NFATC1: variants seen among roughly 807,000 people sequenced by gnomAD.
NFATC1 encodes the protein nuclear factor of activated T-cells, cytoplasmic 1.
A neutral mutation model predicts 76.0 loss-of-function variants in NFATC1; 22 were observed. The ratio of observed to expected loss-of-function variants is 0.29; its 90% CI spans 0.21 to 0.41. The LOEUF (loss-of-function observed/expected upper bound fraction) is 0.41, where lower values mean the gene tolerates loss of function less well. Among genes scored for constraint, NFATC1 ranks in the 10% least tolerant of loss-of-function variants. The probability of loss-of-function intolerance (pLI) is 1.00; values close to 1 mark genes in which losing one functional copy is unlikely to be tolerated. For synonymous variants in NFATC1, 704 were observed against 613.1 expected, an observed-to-expected ratio of 1.15 and a Z score of -2.19; for missense variants, 1,357 against 1,337.7, an observed-to-expected ratio of 1.01 and a Z score of -0.23.
chr18:79,498,094 C>G (rs918463890), intron 9 of NFATC1: 1 of 151,124 alleles, frequency 6.6e-6, no homozygotes, highest in African/African-American at 2.4e-5. Flanking sequence ...ATTTCAGAGT[C>G]GCTACAATGC....
intron 1 of NFATC1, among the ~76,000 whole-genome samples, chr18:79,407,081 C>T (rs538781211): frequency 1.3e-5 from 2 of 152,332 alleles, no homozygotes; most frequent in Admixed American, 6.5e-5. Context: ...GGCCCAGAGC[C>T]CCCCAGGTAT....
rs1226566668 is a variant in NFATC1 at position 79,411,413 on chromosome 18, G to A, written c.1138G>A (p.Gly380Ser). The A allele has an allele frequency of 6.4e-7, 1 of 1,555,874 alleles. No individual in the cohort carries two copies. The highest frequency in any genetic ancestry group is 2.2e-5 in the East Asian group (1 of 44,472). ...DYSSFQHIRK[G>S]GFCDQYLAVP... is the part of the protein sequence containing the mutation. ...CTCCTCTTTCCAGCACATCAGGAAG[G>A]GCGGCTTCTGCGACCAGTACCTGGC... Residue 380 changes from glycine to serine, a missense_variant, in exon 2 of 10, where the codon GGC (glycine) becomes AGC (serine). This residue lies in a region of NFATC1 where 691 missense variants were observed against 613.1 expected (regional missense o/e 1.13). Transcript: ENST00000427363.
At position 79,440,888 on chromosome 18, in the gene NFATC1, TTGCCCAGGCCC is replaced by T. The variant is rs574665915; in HGVS notation, c.1386+7161_1386+7171del. Among the ~76,000 whole-genome samples the T allele has an allele frequency of 5.5e-4, 84 of 152,344 alleles. 2 individuals carry two copies. In the South Asian group the frequency reaches 0.017, roughly 30 times the overall value. On this transcript the variant is annotated intron_variant, in intron 3 of 9. Coordinates refer to ENST00000427363, the MANE Select transcript of NFATC1 (RefSeq NM_001278669.2). Reference sequence around the variant, plus strand: ...TGTCTGTGACGTTGGTGGCTGTTCCTTGCCCAGGCCCTGCCCAGGCCAGACGTGGGAGTGGC... The same window carrying T: ...TGTCTGTGACGTTGGTGGCTGTTCCTTGCCCAGGCCAGACGTGGGAGTGGC...
At chr18:79,482,426 C>G (rs572587495) in intron 8 of NFATC1, among the ~76,000 whole-genome samples, 1 of 134,518 alleles carries the variant, frequency 7.4e-6, no homozygotes, top group East Asian at 2.4e-4. Flanking sequence ...GTCATTCCAG[C>G]GTGACCTGGT....
In NFATC1 at chr18:79,495,812, G is replaced by A. The variant is rs114280570; in HGVS notation, c.2782+8875G>A. ...GGCAGGCCGTGAACAGTACTAAGGCGTTCATGGGTGTGTCACTGTAACACA... is the reference window on the plus strand; with the variant it reads ...GGCAGGCCGTGAACAGTACTAAGGCATTCATGGGTGTGTCACTGTAACACA... On this transcript the variant is annotated intron_variant, in intron 9 of 9. Transcript: ENST00000427363. Among the ~76,000 whole-genome samples, 451 of 152,230 alleles carry A rather than the reference G, an allele frequency of 3.0e-3. 2 individuals carry two copies. The highest frequency in any genetic ancestry group is 9.8e-3 in the African/African-American group (409 of 41,544).
intron 2 of NFATC1, among the ~76,000 whole-genome samples, chr18:79,424,811 C>CTG (rs952805107): frequency 6.2e-4 from 38 of 60,806 alleles, no homozygotes; most frequent in African/African-American, 4.8e-3. Context: ...GTCTGTCTGT[C>CTG]TCTGTCTCTC....
rs369710392 is a variant in NFATC1 at position 79,456,459 on chromosome 18, C to T, written c.1903+4643C>T. Among the ~76,000 whole-genome samples, 29 of 152,336 alleles carry T rather than the reference C, an allele frequency of 1.9e-4. 1 individual carries two copies. Among genetic ancestry groups the T allele is most frequent in the African/African-American group, 6.0e-4 (25 of 41,588 alleles). On this transcript the variant is annotated intron_variant, in intron 6 of 9. Coordinates refer to ENST00000427363, the MANE Select transcript of NFATC1 (RefSeq NM_001278669.2). The stretch of plus-strand genomic sequence containing the variant: ...CCCACCCCAGGGTGTCGCGGAAGCC[C>T]CGAGGCCCCTGCAGGCCCCGATTTC...
intron 6 of NFATC1, among the ~76,000 whole-genome samples, chr18:79,460,358 A>G (rs1446216953): frequency 6.6e-6 from 1 of 152,264 alleles, no homozygotes; most frequent in Admixed American, 6.5e-5. Context: ...TTTGGAGAAG[A>G]TAAAAGGCAG....
In NFATC1 at chr18:79,486,105, A is replaced by C. The variant is rs566006192; in HGVS notation, c.2093-143A>C. ...CCGATGACTCACGCCTTTTTTTTTT[A>C]ATGGGGTGGGAGAACCAGGCAGGAG... is the stretch of plus-strand genomic sequence containing the variant. On this transcript the variant is annotated intron_variant, in intron 8 of 9. Transcript: ENST00000427363. 2.3e-3 allele frequency: 1,614 copies of C among 693,412 alleles called. 23 individuals are homozygous for C. In the African/African-American group the frequency reaches 0.028, roughly 12 times the overall value. The allele number at this position is 693,412 out of a possible 1,614,324, so 43.0% of individuals were successfully genotyped here.
At chr18:79,433,473 GC>G in intron 2 of NFATC1, 105 bp from the exon 3 acceptor site, 1 of 1,334,726 alleles carries the variant, frequency 7.5e-7, no homozygotes, top group Non-Finnish European at 1.1e-6. Flanking sequence ...ACGTGCACTC[GC>G]CGATGAAGTG....
chr18:79,471,935 T>C (rs2144960396), intron 8 of NFATC1, among the ~76,000 whole-genome samples: 1 of 152,328 alleles, frequency 6.6e-6, no homozygotes, highest in South Asian at 2.1e-4. Flanking sequence ...GCCCTTCTGC[T>C]GGCCCTGCAA....
chr18:79,442,615 C>A (rs1318940780), intron 3 of NFATC1, among the ~76,000 whole-genome samples: 1 of 152,236 alleles, frequency 6.6e-6, no homozygotes, highest in Non-Finnish European at 1.5e-5. Context: ...AGTGGGGATA[C>A]AATGTTGGTT....
At chr18:79,511,873 A>C (rs968636952) in intron 9 of NFATC1, among the ~76,000 whole-genome samples, 8 of 152,084 alleles carry the variant, frequency 5.3e-5, no homozygotes, top group African/African-American at 1.9e-4. Flanking sequence ...GGGAGTTGGC[A>C]GGATTCGGGG....
intron 9 of NFATC1, among the ~76,000 whole-genome samples, chr18:79,516,236 G>A (rs1174666799): frequency 6.6e-6 from 1 of 152,174 alleles, no homozygotes; most frequent in Non-Finnish European, 1.5e-5. Context: ...TATGAAAACT[G>A]TGACTTGTCA....
intron 1 of NFATC1, among the ~76,000 whole-genome samples, chr18:79,407,735 G>A (rs538401683): frequency 5.9e-5 from 9 of 152,304 alleles, no homozygotes; most frequent in East Asian, 1.9e-4. Context: ...GTGAGCCACC[G>A]CGCCTGGCCA....
At chr18:79,459,116 G>A (rs1258916080) in intron 6 of NFATC1, among the ~76,000 whole-genome samples, 1 of 152,196 alleles carries the variant, frequency 6.6e-6, no homozygotes, top group African/African-American at 2.4e-5. Flanking sequence ...TCGGTTCCCC[G>A]CACTTTTAGG....
chr18:79,511,545 G>A (rs1056401466), intron 9 of NFATC1, among the ~76,000 whole-genome samples: 2 of 152,326 alleles, frequency 1.3e-5, no homozygotes, highest in Admixed American at 6.5e-5. Context: ...AGTGGCGGCC[G>A]TGGAGGGAAG....
At chr18:79,480,039 G>C (rs959249711) in intron 8 of NFATC1, among the ~76,000 whole-genome samples, 2 of 152,212 alleles carry the variant, frequency 1.3e-5, no homozygotes, top group East Asian at 3.9e-4. Flanking sequence ...GCACCTGCAG[G>C]GTCAGCCCAG....
At chr18:79,434,783 C>T (rs937851959) in intron 3 of NFATC1, among the ~76,000 whole-genome samples, 1 of 152,240 alleles carries the variant, frequency 6.6e-6, no homozygotes, top group Non-Finnish European at 1.5e-5. Context: ...TGGCTGTTTG[C>T]CAACGCAGCA....
Sources: gnomAD v4.1 joint callset for allele counts (sites outside exome capture counted in the v4.1 genomes callset) on GRCh38, gnomAD v4.1.1 for gene constraint, gnomAD v4.1.1 regional missense constraint, MANE v1.5 for transcripts, NCBI Gene and HGNC (gene_info 2026-07-23, HGNC 2026-07-21) for gene names.